The following ACTR3C variants were observed in gnomAD, a reference collection of about 807,000 sequenced individuals.
The protein encoded by ACTR3C is actin-related protein 3C.
Under a neutral mutation model 26.3 loss-of-function variants are expected in ACTR3C, and 18 were observed. The ratio of observed to expected loss-of-function variants is 0.68; its 90% CI spans 0.47 to 1.01. The LOEUF (loss-of-function observed/expected upper bound fraction) is 1.01. ACTR3C is among the 50% of genes least tolerant of loss of function. The probability of loss-of-function intolerance (pLI) is 0.00; values close to 1 mark genes in which losing one functional copy is unlikely to be tolerated. For synonymous variants in ACTR3C, 55 were observed against 94.5 expected (o/e 0.58, Z 2.42); for missense variants, 184 against 250.7 (o/e 0.73, Z 1.80).
chr7:149,912,566 G>A, the ACTR3C span, among the ~76,000 whole-genome samples: 2 of 150,322 alleles, frequency 1.3e-5, no homozygotes, highest in African/African-American at 2.5e-5. Flanking sequence ...GCAGTGGCGC[G>A]ATCTCGGCTC....
At chr7:150,029,418 CAA>C in the ACTR3C span, among the ~76,000 whole-genome samples, 1 of 17,388 alleles carries the variant, frequency 5.8e-5, no homozygotes, top group Non-Finnish European at 1.2e-4. Context: ...AAAAAAAAAA[CAA>C]ACAAAAAAAA....
At chr7:149,912,602 A>G in the ACTR3C span, among the ~76,000 whole-genome samples, 1 of 151,146 alleles carries the variant, frequency 6.6e-6, no homozygotes, top group African/African-American at 2.4e-5. Flanking sequence ...TTTCTGTTTC[A>G]AGCGATTCTC....
At chr7:150,033,662 T>G in the ACTR3C span, among the ~76,000 whole-genome samples, 63 of 151,454 alleles carry the variant, frequency 4.2e-4, no homozygotes, top group African/African-American at 1.5e-3. Flanking sequence ...TGGCTCTCAG[T>G]CCCTGCCTCG....
intron 6 of ACTR3C, among the ~76,000 whole-genome samples, chr7:150,260,054 T>A (rs1833531323): frequency 6.6e-6 from 1 of 152,238 alleles, no homozygotes; most frequent in Admixed American, 6.5e-5. Context: ...CCAGTGCCTG[T>A]TTTTGCAAAT....
the ACTR3C span, among the ~76,000 whole-genome samples, chr7:150,176,080 T>C: frequency 6.6e-6 from 1 of 150,564 alleles, no homozygotes; most frequent in East Asian, 1.9e-4. Context: ...ACGTTAAGAG[T>C]ATCAATGAAA....
chr7:149,988,401 G>C, the ACTR3C span, among the ~76,000 whole-genome samples: 1 of 152,124 alleles, frequency 6.6e-6, no homozygotes, highest in African/African-American at 2.4e-5. Flanking sequence ...GGAGAGCATC[G>C]GTGTTCTCCA....
chr7:150,240,914 A>G (rs1340555170), downstream of ACTR3C, among the ~76,000 whole-genome samples: 1 of 152,230 alleles, frequency 6.6e-6, no homozygotes, highest in African/African-American at 2.4e-5. Context: ...AGCAATGAAA[A>G]GTTGAAAATA....
At chr7:150,256,755 A>G (rs1833246775) in intron 6 of ACTR3C, among the ~76,000 whole-genome samples, 1 of 144,938 alleles carries the variant, frequency 6.9e-6, no homozygotes, top group South Asian at 2.1e-4. Context: ...CCAAACCTAA[A>G]ATGAAAGTTG....
the ACTR3C span, among the ~76,000 whole-genome samples, chr7:150,192,754 G>A: frequency 6.6e-6 from 1 of 152,180 alleles, no homozygotes; most frequent in Non-Finnish European, 1.5e-5. Context: ...ACGTGGTGAT[G>A]GTCTTATGAT....
At chr7:149,985,847 C>T in the ACTR3C span, among the ~76,000 whole-genome samples, 4 of 152,194 alleles carry the variant, frequency 2.6e-5, no homozygotes, top group Non-Finnish European at 5.9e-5. Context: ...CAGAACCTCC[C>T]TATGTCCCAC....
chr7:149,936,707 T>C, the ACTR3C span, among the ~76,000 whole-genome samples: 14 of 152,356 alleles, frequency 9.2e-5, no homozygotes, highest in African/African-American at 3.4e-4. Flanking sequence ...CTGGAGGTCC[T>C]GGGTTCAAGT....
the ACTR3C span, among the ~76,000 whole-genome samples, chr7:150,128,006 A>G: frequency 1.3e-5 from 2 of 151,202 alleles, no homozygotes; most frequent in African/African-American, 4.9e-5. Flanking sequence ...CAATACTAAT[A>G]CAATACTGAG....
the ACTR3C span, among the ~76,000 whole-genome samples, chr7:150,146,813 T>C: frequency 6.6e-6 from 1 of 152,368 alleles, no homozygotes; most frequent in South Asian, 2.1e-4. Context: ...GGCCATCTGC[T>C]AAATAACTGA....
At chr7:150,267,040 T>C (rs1834093505) in intron 6 of ACTR3C, among the ~76,000 whole-genome samples, 1 of 152,346 alleles carries the variant, frequency 6.6e-6, no homozygotes, top group African/African-American at 2.4e-5. Context: ...ATTTCCAATG[T>C]TCATAGCAGG....
intron 6 of ACTR3C, among the ~76,000 whole-genome samples, chr7:150,259,766 C>CA (rs1833507774): frequency 6.6e-6 from 1 of 152,102 alleles, no homozygotes; most frequent in Admixed American, 6.5e-5. Flanking sequence ...TCATTTCTGC[C>CA]AAAAATTGTA....
the ACTR3C span, among the ~76,000 whole-genome samples, chr7:150,007,847 C>T: frequency 6.6e-6 from 1 of 151,936 alleles, no homozygotes; most frequent in South Asian, 2.1e-4. Flanking sequence ...TTAGTATTGT[C>T]CTCACTTTAC....
At chr7:150,025,826 G>T in the ACTR3C span, among the ~76,000 whole-genome samples, 1 of 151,710 alleles carries the variant, frequency 6.6e-6, no homozygotes, top group African/African-American at 2.4e-5. Flanking sequence ...CCCCATCTTA[G>T]TCTGATGCAG....
chr7:150,163,279 G>A, the ACTR3C span, among the ~76,000 whole-genome samples: 2 of 152,034 alleles, frequency 1.3e-5, no homozygotes, highest in African/African-American at 4.8e-5. Flanking sequence ...AAGGAGTACA[G>A]ATATCTGGAT....
chr7:150,171,194 CGCCACAGTA>C, the ACTR3C span, among the ~76,000 whole-genome samples: 1 of 142,216 alleles, frequency 7.0e-6, no homozygotes, highest in Non-Finnish European at 1.5e-5. Flanking sequence ...ATGGATCACT[CGCCACAGTA>C]GACCCAATTC....
Sources: allele counts gnomAD v4.1 joint callset (sites outside exome capture counted in the v4.1 genomes callset), GRCh38; gene constraint gnomAD v4.1.1; transcripts MANE v1.5; gene names NCBI Gene and HGNC (gene_info 2026-07-23, HGNC 2026-07-21).